PCDHA10: variants seen among roughly 807,000 people sequenced by gnomAD.
PCDHA10 encodes the protein protocadherin alpha 10, also known as protocadherin alpha-10.
A neutral mutation model predicts 61.2 loss-of-function variants in PCDHA10; 45 were observed. The ratio of observed to expected loss-of-function variants is 0.74; its 90% CI spans 0.58 to 0.94. PCDHA10 has a LOEUF of 0.94. Among genes scored for constraint, PCDHA10 ranks in the 40% least tolerant of loss-of-function variants. The pLI, the probability that PCDHA10 is intolerant of heterozygous loss-of-function variation, is 0.00. For synonymous variants in PCDHA10, 602 were observed against 548.8 expected, an observed-to-expected ratio of 1.10 and a Z score of -1.35; for missense variants, 1,278 against 1,236.2, an observed-to-expected ratio of 1.03 and a Z score of -0.51.
At chr5:140,861,560 C>T in intron 1 of PCDHA10, 2 of 391,164 alleles carry the variant, frequency 5.1e-6, no homozygotes, top group African/African-American at 2.1e-5. Flanking sequence ...TGATCGTGGA[C>T]AAGCTGCTAC....
At chr5:141,009,147 C>A (rs1193433198) in intron 3 of PCDHA10, among the ~76,000 whole-genome samples, 1 of 152,332 alleles carries the variant, frequency 6.6e-6, no homozygotes, top group Admixed American at 6.5e-5. Flanking sequence ...AACCTGCCCT[C>A]TTGCTTGTCT....
intron 1 of PCDHA10, among the ~76,000 whole-genome samples, chr5:140,903,708 T>C (rs1460220411): frequency 1.3e-5 from 2 of 152,212 alleles, no homozygotes; most frequent in Non-Finnish European, 2.9e-5. Context: ...AGTAATAAAA[T>C]ATACAATTCT....
intron 1 of PCDHA10, chr5:140,877,946 C>T (rs996993086): frequency 3.2e-5 from 43 of 1,349,440 alleles, no homozygotes; most frequent in Non-Finnish European, 4.0e-5. Context: ...TTTAAACTAT[C>T]GAATGTCTCA....
chr5:140,976,841 A>G lies in PCDHA10; in HGVS notation c.2389-2108A>G, dbSNP rs145977857. Among the ~76,000 whole-genome samples the G allele has an allele frequency of 1.2e-3, 190 of 152,338 alleles. 1 individual carries two copies. Among genetic ancestry groups the G allele is most frequent in the African/African-American group, 4.3e-3 (178 of 41,578 alleles). ...GTGTCTAATGAGCAAAACAGATATA[A>G]TCCCTTTCATAGAGTTTACTGTCTG... On this transcript the variant is annotated intron_variant, in intron 1 of 3. Coordinates refer to ENST00000307360, the MANE Select transcript of PCDHA10 (RefSeq NM_018901.4).
intron 1 of PCDHA10, chr5:140,870,781 A>T: frequency 2.5e-6 from 4 of 1,613,654 alleles, no homozygotes; most frequent in Non-Finnish European, 3.4e-6. Flanking sequence ...CGAGAACGAC[A>T]ACGCGCCGGC....
chr5:140,860,245 T>C (rs2046291646), intron 1 of PCDHA10: 1 of 151,496 alleles, frequency 6.6e-6, no homozygotes, highest in Non-Finnish European at 1.5e-5. Flanking sequence ...TGGTGGTACA[T>C]GCCTTTAGTC....
At chr5:141,001,289 TGAGGCCCA>T (rs1387793441) in intron 3 of PCDHA10, among the ~76,000 whole-genome samples, 1 of 152,150 alleles carries the variant, frequency 6.6e-6, no homozygotes, top group Non-Finnish European at 1.5e-5. Context: ...GGATGAAAAC[TGAGGCCCA>T]GAGATATGAA....
rs1250461159 is a variant in PCDHA10 at position 140,856,238 on chromosome 5, C to A, written c.190C>A (p.Arg64=). 4 of 1,597,820 alleles carry A rather than the reference C, an allele frequency of 2.5e-6. 1 individual carries two copies. Among genetic ancestry groups the A allele is most frequent in the African/African-American group, 1.3e-5 (1 of 74,234 alleles). The change falls in exon 1 of 4, where the codon CGG becomes AGG. Residue 64 remains arginine, a synonymous_variant. Coordinates refer to ENST00000307360, the MANE Select transcript of PCDHA10 (RefSeq NM_018901.4). ...GGCGGAGCTGGTGCAGCGCCTGTTC[C>A]GGGTGGCGTCCAAAAGACACGGGGA... is the stretch of plus-strand genomic sequence containing the variant. ...ELAELVQRLF[R]VASKRHGDLL...
intron 1 of PCDHA10, among the ~76,000 whole-genome samples, chr5:140,917,358 C>T (rs2153543502): frequency 6.7e-6 from 1 of 149,798 alleles, no homozygotes; most frequent in East Asian, 1.9e-4. Flanking sequence ...GCTTCTGTTC[C>T]ACTATCTTGC....
chr5:140,942,115 A>T (rs1440934670), intron 1 of PCDHA10, among the ~76,000 whole-genome samples: 2 of 152,232 alleles, frequency 1.3e-5, no homozygotes, highest in Non-Finnish European at 2.9e-5. Flanking sequence ...ATCAAACTTT[A>T]TTAAAGGTGA....
At chr5:140,973,328 C>T (rs1315251124) in intron 1 of PCDHA10, among the ~76,000 whole-genome samples, 1 of 152,114 alleles carries the variant, frequency 6.6e-6, no homozygotes, top group Non-Finnish European at 1.5e-5. Flanking sequence ...AGTTTACACT[C>T]GTTGTAAAGT....
chr5:140,916,437 C>T lies in PCDHA10; in HGVS notation c.2388+58001C>T, dbSNP rs77605255. Among the ~76,000 whole-genome samples the T allele has an allele frequency of 8.0e-3, 1,220 of 152,340 alleles. 6 individuals are homozygous for T. The highest frequency in any genetic ancestry group is 0.019 in the African/African-American group (786 of 41,586). Reference sequence around the variant, plus strand: ...AGCACATCTCAGAACCTAAGGCCCACAGTATACTACCTGGATATCACTGCT... The same window carrying T: ...AGCACATCTCAGAACCTAAGGCCCATAGTATACTACCTGGATATCACTGCT... On this transcript the variant is annotated intron_variant, in intron 1 of 3. Coordinates refer to ENST00000307360, the MANE Select transcript of PCDHA10 (RefSeq NM_018901.4).
intron 1 of PCDHA10, chr5:140,968,773 A>G (rs528972800): frequency 4.3e-6 from 7 of 1,614,206 alleles, no homozygotes; most frequent in Non-Finnish European, 5.1e-6. Flanking sequence ...GAGAGCCATC[A>G]CTATCAGCCT....
rs151249575 is a variant in PCDHA10, at chr5:140,920,220, T to TTATA, written c.2389-58728_2389-58725dup. 8.8e-3 allele frequency among the ~76,000 whole-genome samples: 1,344 copies of TTATA among 152,322 alleles called. 13 individuals carry two copies. The highest frequency in any genetic ancestry group is 0.031 in the African/African-American group (1,300 of 41,558). On this transcript the variant is annotated intron_variant, in intron 1 of 3. Coordinates refer to ENST00000307360, the MANE Select transcript of PCDHA10 (RefSeq NM_018901.4). ...GCAGCCACAGAAAACCAATGCACAT[T>TTATA]TATAGTATTATATACCCAACAATAC...
intron 1 of PCDHA10, among the ~76,000 whole-genome samples, chr5:140,902,368 A>G (rs1554190412): frequency 6.6e-6 from 1 of 151,696 alleles, no homozygotes; most frequent in Admixed American, 6.6e-5. Flanking sequence ...TCTCTTGTCT[A>G]ATTGCTCTAG....
chr5:140,976,702 A>G (rs782610534), intron 1 of PCDHA10, among the ~76,000 whole-genome samples: 2 of 152,220 alleles, frequency 1.3e-5, no homozygotes, highest in Non-Finnish European at 2.9e-5. Context: ...AATAATGTTG[A>G]CTTTGCATTA....
In PCDHA10 at chr5:140,857,108, C is replaced by T; in HGVS notation, c.1060C>T (p.Leu354=). 6 of 1,597,856 alleles carry T rather than the reference C, an allele frequency of 3.8e-6. No individual in the cohort carries two copies. Among genetic ancestry groups the T allele is most frequent in the Non-Finnish European group, 5.1e-6 (6 of 1,167,408 alleles). The change falls in exon 1 of 4, where the codon CTG becomes TTG. Residue 354 remains leucine, a synonymous_variant. Coordinates refer to ENST00000307360, the MANE Select transcript of PCDHA10 (RefSeq NM_018901.4). ...TTCACCTGAGGTGATTGTCACTTCTCTGTCTCTCCCAGTGAAAGAAGATGC... is the reference window on the plus strand; with the variant it reads ...TTCACCTGAGGTGATTGTCACTTCTTTGTCTCTCCCAGTGAAAGAAGATGC... The part of the protein sequence containing the change: ...DNSPEVIVTS[L]SLPVKEDAQV...
At chr5:140,867,350 T>C (rs1357404505) in intron 1 of PCDHA10, 1 of 152,128 alleles carries the variant, frequency 6.6e-6, no homozygotes, top group African/African-American at 2.4e-5. Flanking sequence ...GCTACTATGA[T>C]TGATTATTTT....
chr5:140,875,363 A>G, intron 1 of PCDHA10: 1 of 1,449,052 alleles, frequency 6.9e-7, no homozygotes, highest in Non-Finnish European at 9.1e-7. Flanking sequence ...GATGCTGGAA[A>G]AAATTTACTA....
Sources: allele counts gnomAD v4.1 joint callset (sites outside exome capture counted in the v4.1 genomes callset), GRCh38; gene constraint gnomAD v4.1.1; transcripts MANE v1.5; gene names NCBI Gene and HGNC (gene_info 2026-07-23, HGNC 2026-07-21).